SAMD5: variants seen among roughly 807,000 people sequenced by gnomAD.
The protein encoded by SAMD5 is sterile alpha motif domain containing 5.
A neutral mutation model predicts 11.3 loss-of-function variants in SAMD5; 13 were observed. The observed-to-expected ratio is 1.15, with a 90% CI of 0.75 to 1.83. SAMD5 has a LOEUF of 1.83. SAMD5 is among the 40% of genes most tolerant of loss of function. The probability of loss-of-function intolerance (pLI) is 0.00; values close to 1 mark genes in which losing one functional copy is unlikely to be tolerated. For synonymous variants in SAMD5, 129 were observed against 111.3 expected (o/e 1.16, Z -1.00); for missense variants, 255 against 239.1 (o/e 1.07, Z -0.44).
chr6:147,615,300 T>C lies in SAMD5; in HGVS notation c.162+105913T>C, dbSNP rs1299830606. Among the ~76,000 whole-genome samples the C allele has an allele frequency of 2.6e-5, 4 of 152,322 alleles. No homozygotes were observed. The South Asian group carries it at 8.3e-4, about 32-fold the overall frequency. ...GCATATTAGACACTAGCCCTGATTT[T>C]ATAATTTATATTTCTGGTTTTTAAA... On this transcript the variant is annotated intron_variant, in intron 1 of 1. Transcript: ENST00000566741.
intron 1 of SAMD5, among the ~76,000 whole-genome samples, chr6:147,638,500 T>G (rs1243037397): frequency 6.6e-6 from 1 of 152,230 alleles, no homozygotes; most frequent in African/African-American, 2.4e-5. Flanking sequence ...GAATGGAAGA[T>G]GTGAGTGACT....
chr6:147,597,249 GATTA>G (rs1432780174), intron 1 of SAMD5, among the ~76,000 whole-genome samples: 2 of 152,148 alleles, frequency 1.3e-5, no homozygotes, highest in African/African-American at 4.8e-5. Context: ...ACAGCTGTCT[GATTA>G]ATTAATCTAT....
chr6:147,618,969 G>A (rs1045005224), intron 1 of SAMD5, among the ~76,000 whole-genome samples: 1 of 152,224 alleles, frequency 6.6e-6, no homozygotes, highest in Non-Finnish European at 1.5e-5. Context: ...AAAAATGGGA[G>A]CTATCCTTCC....
At chr6:147,524,254 G>A (rs1227779061) in intron 1 of SAMD5, among the ~76,000 whole-genome samples, 1 of 151,934 alleles carries the variant, frequency 6.6e-6, no homozygotes, top group Non-Finnish European at 1.5e-5. Flanking sequence ...CACTTTATGT[G>A]TTCTCTGTGG....
At chr6:147,747,672 G>C in the SAMD5 span, among the ~76,000 whole-genome samples, 1 of 151,776 alleles carries the variant, frequency 6.6e-6, no homozygotes, top group African/African-American at 2.4e-5. Context: ...TACCACGCCC[G>C]GCTAATTTTT....
the SAMD5 span, among the ~76,000 whole-genome samples, chr6:147,908,941 C>T: frequency 1.1e-5 from 1 of 89,180 alleles, no homozygotes; most frequent in Non-Finnish European, 2.1e-5. Flanking sequence ...GGCACAGTGA[C>T]TCAACGACTA....
At chr6:147,921,958 A>G in the SAMD5 span, among the ~76,000 whole-genome samples, 2 of 152,242 alleles carry the variant, frequency 1.3e-5, no homozygotes, top group Non-Finnish European at 2.9e-5. Context: ...TATAATGGTC[A>G]GAAATTATCC....
the SAMD5 span, among the ~76,000 whole-genome samples, chr6:147,954,307 C>A: frequency 6.6e-6 from 1 of 152,130 alleles, no homozygotes; most frequent in Non-Finnish European, 1.5e-5. Context: ...TGAAAAACAG[C>A]AACTTAATGT....
the SAMD5 span, among the ~76,000 whole-genome samples, chr6:147,930,265 C>T: frequency 1.3e-5 from 2 of 152,134 alleles, no homozygotes; most frequent in African/African-American, 4.8e-5. Context: ...GGTTACAACA[C>T]TTAACTAGTC....
the SAMD5 span, among the ~76,000 whole-genome samples, chr6:147,846,108 G>GAA: frequency 1.4e-5 from 2 of 141,666 alleles, no homozygotes; most frequent in African/African-American, 5.2e-5. Context: ...TATGCTGAGT[G>GAA]AAAAAAAAAA....
chr6:147,860,912 A>G, the SAMD5 span, among the ~76,000 whole-genome samples: 45 of 152,340 alleles, frequency 3.0e-4, no homozygotes, highest in African/African-American at 1.1e-3. Context: ...ATCTCCATAT[A>G]CAACAATAAT....
intron 1 of SAMD5, among the ~76,000 whole-genome samples, chr6:147,520,017 C>T (rs1221605852): frequency 2.6e-5 from 4 of 152,028 alleles, no homozygotes; most frequent in African/African-American, 7.3e-5. Flanking sequence ...TTTATTTCTT[C>T]TGTACAGTGG....
At chr6:147,518,775 T>C (rs1315293229) in intron 1 of SAMD5, among the ~76,000 whole-genome samples, 1 of 152,206 alleles carries the variant, frequency 6.6e-6, no homozygotes, top group Non-Finnish European at 1.5e-5. Context: ...CTACTAGTAT[T>C]GAGTTGAAAG....
the SAMD5 span, among the ~76,000 whole-genome samples, chr6:147,779,246 A>AT: frequency 1.3e-5 from 2 of 151,942 alleles, no homozygotes; most frequent in Non-Finnish European, 2.9e-5. Context: ...ATAGGCAGTT[A>AT]TTTTTCCTTG....
the SAMD5 span, among the ~76,000 whole-genome samples, chr6:147,945,321 C>T: frequency 6.6e-6 from 1 of 152,302 alleles, no homozygotes; most frequent in Non-Finnish European, 1.5e-5. Flanking sequence ...GGGATTTCTA[C>T]AGTACTATCA....
chr6:147,671,185 G>A (rs71566493), intron 1 of SAMD5, among the ~76,000 whole-genome samples: 6,572 of 152,280 alleles, frequency 0.043, 200 homozygotes, highest in Non-Finnish European at 0.064. Flanking sequence ...TCATGTGGGA[G>A]CAGTTTGTGG....
chr6:147,898,467 G>C, the SAMD5 span, among the ~76,000 whole-genome samples: 1 of 152,020 alleles, frequency 6.6e-6, no homozygotes. Flanking sequence ...GAAGTGCCTG[G>C]ATGGGCACTT....
At chr6:147,736,098 C>G (rs760437020) in intron 1 of SAMD5, among the ~76,000 whole-genome samples, 1 of 152,154 alleles carries the variant, frequency 6.6e-6, no homozygotes, top group South Asian at 2.1e-4. Flanking sequence ...GTCTCCAAAT[C>G]TAGGCTGTGC....
At chr6:147,535,099 C>T (rs1351477502) in intron 1 of SAMD5, among the ~76,000 whole-genome samples, 1 of 152,148 alleles carries the variant, frequency 6.6e-6, no homozygotes, top group Non-Finnish European at 1.5e-5. Context: ...GGTTTTATAA[C>T]ATCTTAATTT....
Sources: gnomAD v4.1 joint callset for allele counts (sites outside exome capture counted in the v4.1 genomes callset) on GRCh38, gnomAD v4.1.1 for gene constraint, MANE v1.5 for transcripts, NCBI Gene and HGNC (gene_info 2026-07-23, HGNC 2026-07-21) for gene names.